Variants in SNRPN observed in about 807,000 individuals in gnomAD.
SNRPN encodes the protein small nuclear ribonucleoprotein polypeptide N, also known as small nuclear ribonucleoprotein-associated protein N.
A neutral mutation model predicts 25.2 loss-of-function variants in SNRPN; 7 were observed. The ratio of observed to expected loss-of-function variants is 0.28; its 90% CI spans 0.16 to 0.52. SNRPN has a LOEUF of 0.52. Among genes scored for constraint, SNRPN ranks in the 20% least tolerant of loss-of-function variants. SNRPN has a pLI of 0.96. For synonymous variants in SNRPN, 124 were observed against 110.6 expected (o/e 1.12, Z -0.76); for missense variants, 196 against 322.5 (o/e 0.61, Z 3.00).
chr15:24,902,113 A>G (rs139556780), intron 2 of SNRPN, among the ~76,000 whole-genome samples: 1,597 of 152,328 alleles, frequency 0.01, 8 homozygotes, highest in Non-Finnish European at 0.017. Context: ...TTTCCGTTGC[A>G]TTTTTGTGAA....
At chr15:24,909,015 T>G in intron 2 of SNRPN, 1 of 1,423,122 alleles carries the variant, frequency 7.0e-7, no homozygotes, top group Non-Finnish European at 9.9e-7. Context: ...AGGGACATTT[T>G]GGGATGGTTC....
At position 24,835,115 on chromosome 15, in the gene SNRPN, CTA is replaced by C. The variant is rs1396339886; in HGVS notation, c.-579+5217_-579+5218del. Among the ~76,000 whole-genome samples, 14 of 34,808 alleles carry C rather than the reference CTA, an allele frequency of 4.0e-4. 6 individuals are homozygous for C. Among genetic ancestry groups the C allele is most frequent in the Non-Finnish European group, 7.5e-4 (12 of 16,068 alleles). 22.8% of individuals were successfully genotyped at this position (34,808 alleles called of 152,430 possible). On this transcript the variant is annotated intron_variant, in intron 2 of 12. Transcript: ENST00000400100. ...ATATATAGATATATATACTATATAT[CTA>C]TATATAAAATATATAGATATATATA...
At chr15:24,868,117 G>A (rs2054753193) in intron 1 of SNRPN, among the ~76,000 whole-genome samples, 1 of 135,952 alleles carries the variant, frequency 7.4e-6, no homozygotes, top group Non-Finnish European at 1.5e-5. Flanking sequence ...ATGGGTGTGT[G>A]TGTGTATATA....
chr15:24,933,357 A>G (rs147481091), intron 3 of SNRPN, among the ~76,000 whole-genome samples: 105 of 152,004 alleles, frequency 6.9e-4, no homozygotes, highest in African/African-American at 2.4e-3. Context: ...AAAAAAAACA[A>G]TCAGACATAC....
In SNRPN at chr15:24,955,152, T is replaced by A. The variant is rs2062628707; in HGVS notation, c.-391+90T>A. 3 of 1,563,726 alleles carry A rather than the reference T, an allele frequency of 1.9e-6. No individual in the cohort carries two copies. The South Asian group carries it at 3.4e-5, about 18-fold the overall frequency. Reference sequence around the variant, plus strand: ...TATTCCAAGTTTTTAGGACTTGGAGTACTGAATAAACGGAATTTGGGCCCT... The same window carrying A: ...TATTCCAAGTTTTTAGGACTTGGAGAACTGAATAAACGGAATTTGGGCCCT... On this transcript the variant is annotated intron_variant, in intron 1 of 9. Coordinates refer to ENST00000390687, the MANE Select transcript of SNRPN (RefSeq NM_003097.6).
chr15:24,850,346 T>G (rs2052697124), intron 2 of SNRPN: 1 of 152,202 alleles, frequency 6.6e-6, no homozygotes, highest in Non-Finnish European at 1.5e-5. Flanking sequence ...AGTCTCTCTT[T>G]GTTGTCCAGG....
intron 3 of SNRPN, among the ~76,000 whole-genome samples, chr15:24,928,574 A>C (rs1020040063): frequency 1.3e-5 from 2 of 151,992 alleles, no homozygotes; most frequent in Non-Finnish European, 2.9e-5. Flanking sequence ...TATCAAAAAA[A>C]ATTGTCATTC....
At chr15:24,834,440 A>T (rs1205796124) in intron 2 of SNRPN, among the ~76,000 whole-genome samples, 1 of 152,062 alleles carries the variant, frequency 6.6e-6, no homozygotes, top group Non-Finnish European at 1.5e-5. Flanking sequence ...TGAAGAATGG[A>T]GCTTACAGCT....
intron 2 of SNRPN, among the ~76,000 whole-genome samples, chr15:24,894,519 G>A (rs1052326375): frequency 1.2e-4 from 18 of 151,978 alleles, no homozygotes; most frequent in African/African-American, 3.6e-4. Flanking sequence ...GTGCCCAGCC[G>A]AAACAAAGCC....
At chr15:24,949,723 G>C (rs2062118191) in intron 3 of SNRPN, among the ~76,000 whole-genome samples, 1 of 152,138 alleles carries the variant, frequency 6.6e-6, no homozygotes, top group Non-Finnish European at 1.5e-5. Context: ...GCATAATGTT[G>C]TCAGGGTTCT....
intron 2 of SNRPN, among the ~76,000 whole-genome samples, chr15:24,841,986 A>G (rs1360982581): frequency 6.6e-6 from 1 of 152,128 alleles, no homozygotes; most frequent in East Asian, 1.9e-4. Context: ...CAGTCCATGC[A>G]GCCAGCTCAC....
At chr15:24,904,525 C>T (rs1400674529) in intron 2 of SNRPN, among the ~76,000 whole-genome samples, 8 of 151,750 alleles carry the variant, frequency 5.3e-5, no homozygotes, top group African/African-American at 9.7e-5. Context: ...CATGGTGCCG[C>T]GCGCCTGTAA....
At chr15:24,879,148 A>G (rs562370470) in intron 1 of SNRPN, among the ~76,000 whole-genome samples, 1 of 152,154 alleles carries the variant, frequency 6.6e-6, no homozygotes, top group Non-Finnish European at 1.5e-5. Context: ...GAAATTATGC[A>G]TTTAGGCCGG....
intron 3 of SNRPN, among the ~76,000 whole-genome samples, chr15:24,936,623 T>C (rs1195675056): frequency 6.6e-6 from 1 of 152,118 alleles, no homozygotes; most frequent in African/African-American, 2.4e-5. Context: ...ACTTGCATCA[T>C]GGCAGAAGGC....
chr15:24,901,978 T>C (rs1237397957), intron 2 of SNRPN, among the ~76,000 whole-genome samples: 2 of 152,224 alleles, frequency 1.3e-5, no homozygotes, highest in East Asian at 1.9e-4. Context: ...TTTCCTTCTA[T>C]GTAAATAAGA....
intron 3 of SNRPN, among the ~76,000 whole-genome samples, chr15:24,931,889 G>T (rs2060894255): frequency 7.3e-6 from 1 of 137,786 alleles, no homozygotes; most frequent in South Asian, 2.4e-4. Flanking sequence ...CACCCACAAA[G>T]GGAAAATCAG....
At chr15:24,912,537 A>G in intron 2 of SNRPN, 1 of 152,196 alleles carries the variant, frequency 6.6e-6, no homozygotes, top group East Asian at 1.9e-4. Context: ...GTGGGTGAGA[A>G]CGACATGAAT....
intron 2 of SNRPN, among the ~76,000 whole-genome samples, chr15:24,964,586 C>T (rs912934760): frequency 6.6e-6 from 1 of 152,202 alleles, no homozygotes; most frequent in African/African-American, 2.4e-5. Flanking sequence ...GTGTGAGCCA[C>T]TGCGCCCAGC....
At position 24,929,779 on chromosome 15, in the gene SNRPN, A is replaced by G. The variant is rs995763225; in HGVS notation, c.-391+9655A>G. On this transcript the variant is annotated intron_variant, in intron 3 of 11. Coordinates refer to the SNRPN transcript ENST00000400097. This position sits in a 1 kb window ranked among gnomAD's most constrained non-coding sequence, Gnocchi z 5.3. Reference sequence around the variant, plus strand: ...TCCATGTGATGATTTTTCTGTCAGTATCAGTTTCTGCAAGAGCAAAAATTA... The same window carrying G: ...TCCATGTGATGATTTTTCTGTCAGTGTCAGTTTCTGCAAGAGCAAAAATTA... Among the ~76,000 whole-genome samples, 1 of 152,216 alleles carries G rather than the reference A, an allele frequency of 6.6e-6. No homozygotes were observed. The highest frequency in any genetic ancestry group is 2.4e-5 in the African/African-American group (1 of 41,466).
Sources: allele counts gnomAD v4.1 joint callset (sites outside exome capture counted in the v4.1 genomes callset), GRCh38; gene constraint gnomAD v4.1.1; non-coding constraint Gnocchi (gnomAD v3.1); transcripts MANE v1.5; gene names NCBI Gene and HGNC (gene_info 2026-07-23, HGNC 2026-07-21).